Variants in ESRP1 observed in about 807,000 individuals in gnomAD.
The protein encoded by ESRP1 is epithelial splicing regulatory protein 1.
A neutral mutation model predicts 81.7 loss-of-function variants in ESRP1; 33 were observed. The observed-to-expected ratio is 0.40, with a 90% CI of 0.31 to 0.54. The LOEUF (loss-of-function observed/expected upper bound fraction) is 0.54, where lower values mean the gene tolerates loss of function less well. Ranked by LOEUF, ESRP1 falls within the 20% of genes least tolerant of loss-of-function variation. The pLI is 0.41. For missense variants in ESRP1, 672 were observed against 833.1 expected (o/e 0.81, Z 2.38); for synonymous variants, 320 against 303.3 (o/e 1.06, Z -0.57).
chr8:94,675,674 A>G (rs1819554011), intron 12 of ESRP1, among the ~76,000 whole-genome samples: 1 of 152,236 alleles, frequency 6.6e-6, no homozygotes, highest in Non-Finnish European at 1.5e-5. Flanking sequence ...CTTTAGTGAT[A>G]ATCTGTCAAA....
intron 13 of ESRP1, 117 bp downstream of exon 13, chr8:94,678,488 A>G (rs2130663274): frequency 1.6e-6 from 2 of 1,215,902 alleles, no homozygotes; most frequent in East Asian, 5.0e-5. Flanking sequence ...GTGGCAGGCC[A>G]CAGCCTCTGG....
intron 13 of ESRP1, among the ~76,000 whole-genome samples, chr8:94,681,219 G>T (rs1372534948): frequency 1.3e-5 from 2 of 150,556 alleles, no homozygotes; most frequent in African/African-American, 4.9e-5. Flanking sequence ...CCAGCTACTT[G>T]GGAGGCTGAG....
chr8:94,675,233 T>C (rs767750366), intron 12 of ESRP1, among the ~76,000 whole-genome samples: 20 of 152,340 alleles, frequency 1.3e-4, no homozygotes, highest in Non-Finnish European at 2.9e-4. Flanking sequence ...TTGAGTCTTT[T>C]TTACACAATT....
chr8:94,669,738 T>G (rs989062602), intron 10 of ESRP1, among the ~76,000 whole-genome samples: 1 of 151,864 alleles, frequency 6.6e-6, no homozygotes, highest in African/African-American at 2.4e-5. Context: ...GTCATGGCAG[T>G]GTGCGCCTTT....
intron 15 of ESRP1, among the ~76,000 whole-genome samples, chr8:94,699,763 G>T (rs1341906321): frequency 6.6e-6 from 1 of 151,988 alleles, no homozygotes; most frequent in African/African-American, 2.4e-5. Flanking sequence ...AAAGAATTTG[G>T]AACAGAGAGA....
At chr8:94,689,719 C>T (rs751881613) in intron 13 of ESRP1, among the ~76,000 whole-genome samples, 11 of 150,836 alleles carry the variant, frequency 7.3e-5, no homozygotes, top group Non-Finnish European at 1.3e-4. Context: ...CCGATCTTGG[C>T]CCACTGCAAC....
At chr8:94,682,961 T>TTTTTG (rs1261616183) in intron 13 of ESRP1, among the ~76,000 whole-genome samples, 4 of 104,196 alleles carry the variant, frequency 3.8e-5, no homozygotes, top group Non-Finnish European at 7.9e-5. Context: ...TTTTTTTTTT[T>TTTTTG]GAGACGGAGT....
chr8:94,681,064 G>A lies in ESRP1; in HGVS notation c.1820+2693G>A, dbSNP rs150168758. On this transcript the variant is annotated intron_variant, in intron 13 of 15. Transcript: ENST00000433389. ...CTAAAAATAAAAAACTGTGGCTCAC[G>A]CCTGTAATCCCAGCACTTTGGGAGG... Among the ~76,000 whole-genome samples the A allele has an allele frequency of 2.6e-5, 4 of 151,698 alleles. No homozygotes were observed. In the East Asian group the frequency reaches 5.9e-4, roughly 22 times the overall value.
At chr8:94,697,288 C>T (rs1439928449) in intron 15 of ESRP1, among the ~76,000 whole-genome samples, 1 of 152,022 alleles carries the variant, frequency 6.6e-6, no homozygotes, top group African/African-American at 2.4e-5. Flanking sequence ...TAAAATTAAC[C>T]ATTTTAAACT....
chr8:94,683,235 C>T lies in ESRP1; in HGVS notation c.1820+4864C>T, dbSNP rs111993597. Among the ~76,000 whole-genome samples the T allele has an allele frequency of 9.8e-3, 1,494 of 151,908 alleles. 28 individuals are homozygous for T. The highest frequency in any genetic ancestry group is 0.033 in the African/African-American group (1,387 of 41,420). On this transcript the variant is annotated intron_variant, in intron 13 of 15. Transcript: ENST00000433389. ...CTGGGATTACAGGCGTAAGCCACCG[C>T]GCCCGGCCTATGAATATGTATATTT...
intron 15 of ESRP1, among the ~76,000 whole-genome samples, chr8:94,701,645 A>G (rs896504868): frequency 1.7e-4 from 25 of 149,312 alleles, no homozygotes; most frequent in African/African-American, 5.7e-4. Context: ...AGGTCTCACT[A>G]TGTTGCCCCA....
At chr8:94,650,004 C>T (rs944228208) in intron 4 of ESRP1, among the ~76,000 whole-genome samples, 1 of 152,066 alleles carries the variant, frequency 6.6e-6, no homozygotes, top group Admixed American at 6.5e-5. Context: ...TCTTCCTCTC[C>T]CTGCTCCTTC....
intron 3 of ESRP1, among the ~76,000 whole-genome samples, 169 bp from the exon 4 acceptor site, chr8:94,645,999 A>G (rs904143904): frequency 6.6e-6 from 1 of 152,196 alleles, no homozygotes; most frequent in African/African-American, 2.4e-5. Context: ...TGTACATAGG[A>G]TCTAATATAG....
At chr8:94,657,034 A>G (rs75163604) in intron 4 of ESRP1, among the ~76,000 whole-genome samples, 23,159 of 152,222 alleles carry the variant, frequency 0.15, 2,290 homozygotes, top group Non-Finnish European at 0.22. Context: ...CTGTTTCACC[A>G]GTGGTGGTCA....
intron 13 of ESRP1, among the ~76,000 whole-genome samples, chr8:94,691,778 C>A (rs1809411707): frequency 6.6e-6 from 1 of 152,066 alleles, no homozygotes; most frequent in Non-Finnish European, 1.5e-5. Flanking sequence ...TCCAAAGTTG[C>A]AAGTCTATAT....
intron 1 of ESRP1, 130 bp from the exon 2 acceptor site, chr8:94,641,826 C>T: frequency 7.1e-7 from 1 of 1,418,006 alleles, no homozygotes; most frequent in Non-Finnish European, 9.4e-7. Flanking sequence ...GATGGCGAGT[C>T]GAGAGCTTTG....
intron 13 of ESRP1, among the ~76,000 whole-genome samples, chr8:94,682,203 T>C (rs567109540): frequency 6.6e-6 from 1 of 152,318 alleles, no homozygotes; most frequent in Admixed American, 6.5e-5. Context: ...GCCCTACTTT[T>C]TCTTCTGACC....
rs1027815994 is a variant in ESRP1 at position 94,696,992 on chromosome 8, T to A, written c.*35+31T>A. The A allele has an allele frequency of 2.8e-6, 4 of 1,431,478 alleles. No homozygotes were observed. The African/African-American group carries it at 5.7e-5, about 21-fold the overall frequency. 88.7% of individuals were successfully genotyped at this position (1,431,478 alleles called of 1,614,324 possible). A position where few individuals can be genotyped will look rare whatever the true frequency, so the allele number is the denominator to read the frequency against. On this transcript the variant is annotated intron_variant, in intron 15 of 15. Transcript: ENST00000433389. ...GCTTTATGATGTGCAAGTTAAATTA[T>A]AAAGGGCCAAACAGAGATCAAGATT...
rs139101003 is a variant in ESRP1, at chr8:94,684,533, C to T, written c.1820+6162C>T. 2.1e-3 allele frequency among the ~76,000 whole-genome samples: 323 copies of T among 152,284 alleles called. 1 individual carries two copies. The Middle Eastern group carries it at 0.044, about 21-fold the overall frequency. On this transcript the variant is annotated intron_variant, in intron 13 of 15. Transcript: ENST00000433389. Reference sequence around the variant, plus strand: ...GATTGAAACAGTATGTCTCCAGTTACTCCCAAATATGTGGTATTTGTAACA... The same window carrying T: ...GATTGAAACAGTATGTCTCCAGTTATTCCCAAATATGTGGTATTTGTAACA...
Sources: allele counts gnomAD v4.1 joint callset (sites outside exome capture counted in the v4.1 genomes callset), GRCh38; gene constraint gnomAD v4.1.1; transcripts MANE v1.5; gene names NCBI Gene and HGNC (gene_info 2026-07-23, HGNC 2026-07-21).